ZZEF1: variants seen among roughly 807,000 people sequenced by gnomAD.
ZZEF1 encodes zinc finger ZZ-type and EF-hand domain containing 1, also known as zinc finger ZZ-type and EF-hand domain-containing protein 1.
A neutral mutation model predicts 342.8 loss-of-function variants in ZZEF1; 157 were observed. The ratio of observed to expected loss-of-function variants is 0.46; its 90% CI spans 0.40 to 0.52. ZZEF1 has a LOEUF of 0.52. Among genes scored for constraint, ZZEF1 ranks in the 20% least tolerant of loss-of-function variants. ZZEF1 has a pLI of 0.00. For missense variants in ZZEF1, 3,480 were observed against 3,725.6 expected (o/e 0.93, Z 1.72); for synonymous variants, 1,505 against 1,429.1 (o/e 1.05, Z -1.20).
chr17:4,057,382 C>G (rs762486616), intron 32 of ZZEF1, among the ~76,000 whole-genome samples: 13 of 152,184 alleles, frequency 8.5e-5, no homozygotes, highest in Non-Finnish European at 1.8e-4. Flanking sequence ...TTGACTCATT[C>G]ACTTCTTCCC....
intron 25 of ZZEF1, among the ~76,000 whole-genome samples, chr17:4,072,325 G>A (rs759634060): frequency 6.6e-6 from 1 of 152,216 alleles, no homozygotes; most frequent in African/African-American, 2.4e-5. Context: ...GGCACTAGAA[G>A]TACACTCAAT....
chr17:4,104,174 T>C (rs778172035), intron 8 of ZZEF1, among the ~76,000 whole-genome samples: 9 of 152,146 alleles, frequency 5.9e-5, no homozygotes, highest in Admixed American at 1.3e-4. Flanking sequence ...GTCCAAATCC[T>C]TCAGAGCAGC....
chr17:4,072,598 G>C lies in ZZEF1; in HGVS notation c.3834+10C>G. 6.3e-7 allele frequency: 1 copy of C among 1,592,466 alleles called. No homozygotes were observed. ...CAGTCTAAATAGAAAGAAAACGGAA[G>C]AGTAAATACCTCCTTACTATTCCGG... On this transcript the variant is annotated intron_variant, in intron 25 of 54. Transcript: ENST00000381638.
chr17:4,013,541 T>C lies in ZZEF1; in HGVS notation c.8487A>G (p.Glu2829=), dbSNP rs971749719. Residue 2829 remains glutamate (E), a synonymous_variant, in exon 52 of 55, where the codon GAA becomes GAG. Transcript: ENST00000381638. ...GGCGACAGGCCACGCCCACCAGCCA[T>C]TCCCAAATTTTTGCCAATGGGAGAT... ...VPHLPLAKIW[E]WLVGVACRQT... is the part of the protein sequence containing the mutation. The C allele has an allele frequency of 6.2e-7, 1 of 1,614,054 alleles. No individual in the cohort carries two copies. The highest frequency in any genetic ancestry group is 8.5e-7 in the Non-Finnish European group (1 of 1,180,008).
intron 1 of ZZEF1, among the ~76,000 whole-genome samples, chr17:4,128,551 C>T (rs1297763092): frequency 6.6e-6 from 1 of 151,140 alleles, no homozygotes; most frequent in Non-Finnish European, 1.5e-5. Flanking sequence ...CCTCTGCCTC[C>T]CAGGTTCAAG....
At position 4,016,300 on chromosome 17, in the gene ZZEF1, G is replaced by A. The variant is rs779276362; in HGVS notation, c.8145+23C>T. 1.0e-5 allele frequency: 16 copies of A among 1,602,554 alleles called. No homozygotes were observed. Among genetic ancestry groups the A allele is most frequent in the Non-Finnish European group, 1.3e-5 (15 of 1,176,200 alleles). On this transcript the variant is annotated intron_variant, in intron 49 of 54. Transcript: ENST00000381638. This position sits in a 1 kb window ranked among gnomAD's most constrained non-coding sequence, Gnocchi z 4.4. ...TCTCTGCGGCTCAGTCGCTCTTATG[G>A]GGCCTGCCGGCCCCAGGCTTACCTC...
chr17:4,060,597 AAAAC>A (rs2057265612), intron 30 of ZZEF1, among the ~76,000 whole-genome samples: 3 of 151,816 alleles, frequency 2.0e-5, no homozygotes, highest in Admixed American at 1.3e-4. Flanking sequence ...ACAAACAAAA[AAAAC>A]ACTCAACCCC....
chr17:4,037,577 TTTTC>T (rs1455707435), intron 39 of ZZEF1, among the ~76,000 whole-genome samples: 1 of 152,148 alleles, frequency 6.6e-6, no homozygotes, highest in Non-Finnish European at 1.5e-5. Flanking sequence ...CGTTCATTCT[TTTTC>T]TTTTTCTTTT....
chr17:4,111,667 A>AAAAAAAGAAAAAG, intron 5 of ZZEF1, among the ~76,000 whole-genome samples: 1 of 149,594 alleles, frequency 6.7e-6, no homozygotes, highest in Admixed American at 6.7e-5. Flanking sequence ...TCAAAAAAAA[A>AAAAAAAGAAAAAG]ATATATAGAA....
At chr17:4,068,501 G>A (rs1288894202) in intron 26 of ZZEF1, among the ~76,000 whole-genome samples, 2 of 152,116 alleles carry the variant, frequency 1.3e-5, no homozygotes, top group Non-Finnish European at 2.9e-5. Context: ...TGGCCAGGCT[G>A]GTCTCAAACT....
At chr17:4,114,141 C>G (rs190126742) in intron 4 of ZZEF1, among the ~76,000 whole-genome samples, 158 bp downstream of exon 4, 1 of 152,246 alleles carries the variant, frequency 6.6e-6, no homozygotes, top group East Asian at 1.9e-4. Context: ...GGGAAATTAT[C>G]TGTTAGGAAT....
chr17:4,098,757 T>C (rs1014033103), intron 9 of ZZEF1, among the ~76,000 whole-genome samples: 3 of 152,076 alleles, frequency 2.0e-5, no homozygotes. Flanking sequence ...GCAAAATGAG[T>C]CACCAAAACT....
At chr17:4,009,029 C>T in intron 53 of ZZEF1, 75 bp from the exon 54 acceptor site, 1 of 1,486,370 alleles carries the variant, frequency 6.7e-7, no homozygotes, top group Admixed American at 2.0e-5. Flanking sequence ...ACCTGGGACA[C>T]CTGCTTGCGA....
rs145619366 is a variant in ZZEF1, at chr17:4,082,358, T to A, written c.2714+79A>T. 47 of 1,436,586 alleles carry A rather than the reference T, an allele frequency of 3.3e-5. 1 individual carries two copies. In the African/African-American group the frequency reaches 5.9e-4, roughly 18 times the overall value. The allele number at this position is 1,436,586 out of a possible 1,614,324, so 89.0% of individuals were successfully genotyped here. On this transcript the variant is annotated intron_variant, in intron 17 of 54. Coordinates refer to ENST00000381638, the MANE Select transcript of ZZEF1 (RefSeq NM_015113.4). ...CAGGAAGTACTACTTCGAAGGCACA[T>A]GAAAGGAAGGGCAAGCTCAAGAAAA... is the stretch of plus-strand genomic sequence containing the variant.
intron 32 of ZZEF1, 26 bp downstream of exon 32, chr17:4,057,968 T>C (rs1376578819): frequency 1.2e-6 from 2 of 1,606,518 alleles, no homozygotes; most frequent in African/African-American, 2.7e-5. Context: ...CATTAGGAAC[T>C]GCAGAGCGCA....
intron 42 of ZZEF1, among the ~76,000 whole-genome samples, chr17:4,028,930 C>A (rs1210470831): frequency 6.6e-6 from 1 of 151,918 alleles, no homozygotes; most frequent in African/African-American, 2.4e-5. Context: ...AGAGGCTGTA[C>A]GAATATTAGA....
intron 42 of ZZEF1, among the ~76,000 whole-genome samples, chr17:4,030,147 T>A (rs1227105119): frequency 6.7e-6 from 1 of 148,620 alleles, no homozygotes; most frequent in African/African-American, 2.5e-5. Flanking sequence ...CAAACAGAAA[T>A]AAAAGAAAAA....
chr17:4,114,680 T>C lies in ZZEF1; in HGVS notation c.695-210A>G, dbSNP rs566467847. Among the ~76,000 whole-genome samples the C allele has an allele frequency of 4.6e-5, 7 of 152,298 alleles. No individual in the cohort carries two copies. In the South Asian group the frequency reaches 1.4e-3, roughly 32 times the overall value. On this transcript the variant is annotated intron_variant, in intron 3 of 54. Coordinates refer to ENST00000381638, the MANE Select transcript of ZZEF1 (RefSeq NM_015113.4). ...TGTCAAATATGCCTCCCTCAAACTGTTACGTCATTGGCATATTACCTGACG... is the reference window on the plus strand; with the variant it reads ...TGTCAAATATGCCTCCCTCAAACTGCTACGTCATTGGCATATTACCTGACG...
At chr17:4,066,578 G>A (rs766320413) in intron 27 of ZZEF1, 38 bp from the exon 28 acceptor site, 1 of 1,591,018 alleles carries the variant, frequency 6.3e-7, no homozygotes. Flanking sequence ...ATGCTGTCCA[G>A]GCAGGGAAGC....
Sources: allele counts gnomAD v4.1 joint callset (sites outside exome capture counted in the v4.1 genomes callset), GRCh38; gene constraint gnomAD v4.1.1; non-coding constraint Gnocchi (gnomAD v3.1); transcripts MANE v1.5; gene names NCBI Gene and HGNC (gene_info 2026-07-23, HGNC 2026-07-21).